The following UTY variants were observed in gnomAD, a reference collection of about 807,000 sequenced individuals.
The protein encoded by UTY is histone demethylase UTY.
UTY carries 12 observed loss-of-function variants against 32.5 expected under a neutral mutation model. The observed-to-expected ratio is 0.37, with a 90% CI of 0.24 to 0.60. UTY has a LOEUF of 0.60. Ranked by LOEUF, UTY falls within the 20% of genes least tolerant of loss-of-function variation. The probability of loss-of-function intolerance (pLI) is 0.69; values close to 1 mark genes in which losing one functional copy is unlikely to be tolerated. For synonymous variants in UTY, 131 were observed against 103.4 expected (o/e 1.27, Z -1.62); for missense variants, 303 against 299.2 (o/e 1.01, Z -0.09).
At chrY:13,341,485 T>C in intron 17 of UTY, among the ~76,000 whole-genome samples, 1 of 32,386 alleles carries the variant, frequency 3.1e-5, no homozygotes, top group Non-Finnish European at 7.5e-5. Flanking sequence ...AAGCAGATGG[T>C]ACACTGGAGA....
At chrY:13,476,817 C>T in intron 2 of UTY, among the ~76,000 whole-genome samples, 2 of 29,887 alleles carry the variant, frequency 6.7e-5, no homozygotes, top group South Asian at 1.5e-3. Context: ...GTTTGATATG[C>T]GGGTTCACGT....
intron 17 of UTY, among the ~76,000 whole-genome samples, chrY:13,348,317 G>A (rs1036616774): frequency 1.8e-4 from 6 of 34,033 alleles, no homozygotes; most frequent in Non-Finnish European, 2.9e-4. Flanking sequence ...ACTCCTGGAG[G>A]AGGATCTGAG....
At chrY:13,425,175 C>A in intron 4 of UTY, among the ~76,000 whole-genome samples, 3 of 34,062 alleles carry the variant, frequency 8.8e-5, no homozygotes, top group Non-Finnish European at 1.5e-4. Context: ...ATTAAAACCA[C>A]ATTCTGCAAC....
chrY:13,325,388 G>A (rs2060171647), intron 19 of UTY, among the ~76,000 whole-genome samples: 1 of 33,190 alleles, frequency 3.0e-5, no homozygotes, highest in East Asian at 7.6e-4. Flanking sequence ...TCTAATTACT[G>A]TATCTTCATA....
At chrY:13,456,550 C>A in intron 3 of UTY, among the ~76,000 whole-genome samples, 1 of 32,959 alleles carries the variant, frequency 3.0e-5, no homozygotes, top group Admixed American at 2.8e-4. Context: ...ATGGCTTCAG[C>A]CACAAAGATG....
At chrY:13,433,372 G>A (rs2074214929) in intron 4 of UTY, among the ~76,000 whole-genome samples, 1 of 33,317 alleles carries the variant, frequency 3.0e-5, no homozygotes, top group Non-Finnish European at 7.4e-5. Context: ...TACTTCAGAT[G>A]GGTCTTTGAA....
chrY:13,431,729 A>T, intron 4 of UTY, among the ~76,000 whole-genome samples: 1 of 33,757 alleles, frequency 3.0e-5, no homozygotes, highest in Non-Finnish European at 7.4e-5. Flanking sequence ...GTCCTCAAAG[A>T]TCTGGAAAAA....
chrY:13,421,995 C>G, intron 4 of UTY, among the ~76,000 whole-genome samples: 1 of 32,778 alleles, frequency 3.1e-5, no homozygotes, highest in African/African-American at 1.2e-4. Flanking sequence ...TATATTCTAC[C>G]TAGGAAACAA....
chrY:13,238,711 A>T (rs771040054), intron 28 of UTY, among the ~76,000 whole-genome samples: 1 of 34,239 alleles, frequency 2.9e-5, no homozygotes, highest in East Asian at 7.7e-4. Flanking sequence ...GAGCCAGTGA[A>T]AAAGTCTCAG....
intron 4 of UTY, among the ~76,000 whole-genome samples, chrY:13,439,914 C>A: frequency 3.1e-5 from 1 of 32,763 alleles, no homozygotes; most frequent in South Asian, 6.9e-4. Context: ...GGTACCTATC[C>A]ACATTAAGGC....
intron 3 of UTY, among the ~76,000 whole-genome samples, chrY:13,465,088 A>G: frequency 3.0e-5 from 1 of 33,123 alleles, no homozygotes; most frequent in East Asian, 7.8e-4. Context: ...CCTGTCTCAA[A>G]AAAGTAAATA....
At chrY:13,332,856 C>G in intron 18 of UTY, among the ~76,000 whole-genome samples, 1 of 33,303 alleles carries the variant, frequency 3.0e-5, no homozygotes, top group Non-Finnish European at 7.4e-5. Context: ...TCATCTCAGC[C>G]CCAAAACTGC....
chrY:13,252,436 C>A (rs2054303002), intron 28 of UTY, among the ~76,000 whole-genome samples: 1 of 33,197 alleles, frequency 3.0e-5, no homozygotes, highest in Admixed American at 2.7e-4. Flanking sequence ...ATGTTCTAGT[C>A]TAGGACTTTC....
chrY:13,424,718 A>G (rs890536209), intron 4 of UTY, among the ~76,000 whole-genome samples: 1 of 33,132 alleles, frequency 3.0e-5, no homozygotes, highest in Non-Finnish European at 7.5e-5. Flanking sequence ...TCCCGTCTCC[A>G]AAATAAAAAA....
At chrY:13,312,400 A>G (rs2059225199) in intron 21 of UTY, among the ~76,000 whole-genome samples, 2 of 28,018 alleles carry the variant, frequency 7.1e-5, no homozygotes, top group Admixed American at 6.3e-4. Context: ...CTCAAAAAAA[A>G]AAAGAGGACA....
intron 8 of UTY, chrY:13,393,082 T>C: frequency 3.0e-5 from 1 of 33,399 alleles, no homozygotes; most frequent in Non-Finnish European, 7.4e-5. Context: ...TAAAGAGGTA[T>C]TCCTGCATCA....
chrY:13,361,953 A>G, intron 10 of UTY, among the ~76,000 whole-genome samples: 1 of 33,195 alleles, frequency 3.0e-5, no homozygotes, highest in African/African-American at 1.2e-4. Context: ...TGTTGATAAG[A>G]AGATACTTAA....
intron 8 of UTY, among the ~76,000 whole-genome samples, chrY:13,381,186 A>G: frequency 2.9e-5 from 1 of 34,323 alleles, no homozygotes; most frequent in South Asian, 6.3e-4. Flanking sequence ...CTACCAGTGA[A>G]GGGGTAATGA....
intron 16 of UTY, chrY:13,355,655 T>A: frequency 2.8e-6 from 1 of 355,277 alleles, no homozygotes; most frequent in East Asian, 1.1e-4. Context: ...TTTTCCTTCA[T>A]GAAACAGAAG....
Sources: gnomAD v4.1 joint callset for allele counts (sites outside exome capture counted in the v4.1 genomes callset) on GRCh38, gnomAD v4.1.1 for gene constraint, MANE v1.5 for transcripts, NCBI Gene and HGNC (gene_info 2026-07-23, HGNC 2026-07-21) for gene names.